Variants in WDR64 observed in about 807,000 individuals in gnomAD.
WDR64 encodes WD repeat-containing protein 64.
In WDR64, 112 loss-of-function variants were observed where a neutral mutation model predicts 139.3. The ratio of observed to expected loss-of-function variants is 0.80; its 90% CI spans 0.69 to 0.94. WDR64 has a LOEUF of 0.94. Among genes scored for constraint, WDR64 ranks in the 40% least tolerant of loss-of-function variants. WDR64 has a pLI of 0.00. For missense variants in WDR64, 1,206 were observed against 1,293.1 expected, an observed-to-expected ratio of 0.93 and a Z score of 1.03; for synonymous variants, 444 against 437.7, an observed-to-expected ratio of 1.01 and a Z score of -0.18.
intron 1 of WDR64, among the ~76,000 whole-genome samples, chr1:241,657,100 G>T (rs1203209284): frequency 1.3e-5 from 2 of 151,782 alleles, no homozygotes; most frequent in Non-Finnish European, 2.9e-5. Context: ...CTGTATTCTA[G>T]GGTGCCACTT....
chr1:241,731,902 A>G (rs910852384), intron 10 of WDR64, among the ~76,000 whole-genome samples: 1 of 152,326 alleles, frequency 6.6e-6, no homozygotes, highest in East Asian at 1.9e-4. Context: ...TTTCCTAAAC[A>G]GTGTTGAGTG....
chr1:241,782,352 T>C (rs1252540700), intron 22 of WDR64, among the ~76,000 whole-genome samples: 6 of 152,176 alleles, frequency 3.9e-5, no homozygotes, highest in Non-Finnish European at 5.9e-5. Context: ...CCAGAGGGAA[T>C]TGAGTCAGAA....
chr1:241,699,602 G>A lies in WDR64; in HGVS notation c.974+12007G>A, dbSNP rs551483517. 4.6e-5 allele frequency among the ~76,000 whole-genome samples: 7 copies of A among 152,266 alleles called. No individual in the cohort carries two copies. In the South Asian group the frequency reaches 1.2e-3, roughly 27 times the overall value. ...GTAGGGGTGGGTGGGGGGAACTGAG[G>A]AAGGCTTCCTGAAGATGTCACAAAT... is the stretch of plus-strand genomic sequence containing the variant. On this transcript the variant is annotated intron_variant, in intron 8 of 27. Coordinates refer to ENST00000437684, the MANE Select transcript of WDR64 (RefSeq NM_001367482.1).
At chr1:241,683,732 T>G in intron 7 of WDR64, 31 bp downstream of exon 7, 3 of 1,440,366 alleles carry the variant, frequency 2.1e-6, no homozygotes, top group Non-Finnish European at 2.8e-6. Flanking sequence ...ATTTAATTCT[T>G]TTAATAATTA....
In WDR64 at chr1:241,730,547, C is replaced by A. The variant is rs558446097; in HGVS notation, c.1194+7111C>A. Among the ~76,000 whole-genome samples, 9 of 152,304 alleles carry A rather than the reference C, an allele frequency of 5.9e-5. No homozygotes were observed. The East Asian group carries it at 1.7e-3, about 29-fold the overall frequency. On this transcript the variant is annotated intron_variant, in intron 10 of 27. Transcript: ENST00000437684. ...CACACATACACATATTCACTACAGC[C>A]TCCCTAAGGTAACTATCTGGGTATT...
intron 8 of WDR64, among the ~76,000 whole-genome samples, chr1:241,709,125 CT>C (rs1329502665): frequency 6.6e-6 from 1 of 152,090 alleles, no homozygotes; most frequent in Non-Finnish European, 1.5e-5. Context: ...TGAGCAAACT[CT>C]TTTTTTCACA....
In WDR64 at chr1:241,687,495, A is replaced by T. The variant is rs1427459073; in HGVS notation, c.874A>T (p.Lys292Ter). The T allele has an allele frequency of 6.2e-7, 1 of 1,613,872 alleles. No individual in the cohort carries two copies. The highest frequency in any genetic ancestry group is 1.7e-5 in the Admixed American group (1 of 59,984). The part of the protein sequence containing the change: ...KRKLHNDWVM[K>*]IRYISALNCF... ...GAAGCTACATAATGACTGGGTTATGAAAATTAGATATATTTCAGCCCTAAA... is the reference window on the plus strand; with the variant it reads ...GAAGCTACATAATGACTGGGTTATGTAAATTAGATATATTTCAGCCCTAAA... The change falls in exon 8 of 28, where the codon AAA becomes TAA. Residue 292 changes from lysine to a stop codon, truncating the protein, a stop_gained. Transcript: ENST00000437684. LOFTEE classifies it high-confidence loss of function.
At chr1:241,704,465 T>C (rs1250755073) in intron 8 of WDR64, among the ~76,000 whole-genome samples, 1 of 152,238 alleles carries the variant, frequency 6.6e-6, no homozygotes, top group African/African-American at 2.4e-5. Flanking sequence ...GATATGCAGC[T>C]GAATATGAAC....
At chr1:241,756,153 A>T (rs1325927448) in intron 14 of WDR64, among the ~76,000 whole-genome samples, 2 of 152,210 alleles carry the variant, frequency 1.3e-5, no homozygotes, top group Non-Finnish European at 2.9e-5. Context: ...TATTTTGGTT[A>T]GTATGGCCAT....
intron 14 of WDR64, among the ~76,000 whole-genome samples, chr1:241,750,973 A>G (rs942214136): frequency 3.9e-5 from 6 of 152,172 alleles, no homozygotes; most frequent in African/African-American, 1.4e-4. Flanking sequence ...ATCCTTATTT[A>G]CTTATTATTA....
At chr1:241,732,946 A>C (rs991260669) in intron 10 of WDR64, among the ~76,000 whole-genome samples, 6 of 152,354 alleles carry the variant, frequency 3.9e-5, no homozygotes, top group African/African-American at 1.2e-4. Context: ...GAATCAAAAC[A>C]ACCCTCACTT....
At chr1:241,777,572 C>T (rs1187561991) in intron 21 of WDR64, among the ~76,000 whole-genome samples, 1 of 144,370 alleles carries the variant, frequency 6.9e-6, no homozygotes, top group Admixed American at 6.8e-5. Flanking sequence ...CACCTGACAC[C>T]ACGGCCAGCT....
intron 8 of WDR64, among the ~76,000 whole-genome samples, chr1:241,690,131 T>C (rs932935065): frequency 2.0e-5 from 3 of 151,870 alleles, no homozygotes; most frequent in African/African-American, 7.3e-5. Flanking sequence ...TGCCAAAAAA[T>C]AACTATACCT....
chr1:241,773,476 G>T (rs1658537663), intron 20 of WDR64, among the ~76,000 whole-genome samples: 1 of 151,994 alleles, frequency 6.6e-6, no homozygotes, highest in South Asian at 2.1e-4. Flanking sequence ...TTGTTTGTTT[G>T]TTTGTTTTTT....
chr1:241,677,483 G>C (rs1164927338), intron 4 of WDR64: 3 of 398,400 alleles, frequency 7.5e-6, no homozygotes, highest in African/African-American at 6.2e-5. Flanking sequence ...CTGTTTCCTA[G>C]ATACTTCTCA....
intron 6 of WDR64, among the ~76,000 whole-genome samples, chr1:241,682,253 T>C (rs963450383): frequency 6.6e-6 from 1 of 152,244 alleles, no homozygotes; most frequent in Admixed American, 6.5e-5. Flanking sequence ...ATTTTTATAG[T>C]TTCAGGTCTT....
chr1:241,791,675 G>GAA (rs150419559), intron 25 of WDR64, among the ~76,000 whole-genome samples: 1 of 146,922 alleles, frequency 6.8e-6, no homozygotes, highest in Non-Finnish European at 1.5e-5. Context: ...CTGTCTGGGG[G>GAA]AAAAAAAAAA....
At chr1:241,775,395 C>G (rs1574089090) in intron 21 of WDR64, among the ~76,000 whole-genome samples, 185 bp downstream of exon 21, 1 of 152,180 alleles carries the variant, frequency 6.6e-6, no homozygotes, top group African/African-American at 2.4e-5. Flanking sequence ...TCAGGAGAAC[C>G]TGCTTCATTC....
chr1:241,685,400 T>A (rs1666965811), intron 7 of WDR64, among the ~76,000 whole-genome samples: 1 of 151,860 alleles, frequency 6.6e-6, no homozygotes, highest in Non-Finnish European at 1.5e-5. Context: ...ATTTAATTAA[T>A]TTTTTATGTA....
Sources: allele counts gnomAD v4.1 joint callset (sites outside exome capture counted in the v4.1 genomes callset), GRCh38; gene constraint gnomAD v4.1.1; transcripts MANE v1.5; gene names NCBI Gene and HGNC (gene_info 2026-07-23, HGNC 2026-07-21).